Variants in MMP25 observed in about 807,000 individuals in gnomAD.
MMP25 encodes matrix metalloproteinase-25.
In MMP25, 68 loss-of-function variants were observed where a neutral mutation model predicts 62.1. That is an observed-to-expected ratio of 1.10 (90% CI 0.90 to 1.34). The LOEUF (loss-of-function observed/expected upper bound fraction) is 1.34. Among genes scored for constraint, MMP25 ranks in the 40% most tolerant of loss-of-function variants. The probability of loss-of-function intolerance (pLI) is 0.00; values close to 1 mark genes in which losing one functional copy is unlikely to be tolerated. For synonymous variants in MMP25, 407 were observed against 345.6 expected (o/e 1.18, Z -1.97); for missense variants, 942 against 792.5 (o/e 1.19, Z -2.26).
At chr16:3,049,699 G>A (rs920865991) in intron 2 of MMP25, among the ~76,000 whole-genome samples, 1 of 152,214 alleles carries the variant, frequency 6.6e-6, no homozygotes, top group African/African-American at 2.4e-5. Context: ...CCTTTCTCCA[G>A]AGTCCGCCCA....
chr16:3,056,565 C>G (rs1956012811), intron 4 of MMP25, among the ~76,000 whole-genome samples: 1 of 152,002 alleles, frequency 6.6e-6, no homozygotes, highest in Admixed American at 6.6e-5. Flanking sequence ...GCATGCGCCA[C>G]CACTCCTGGC....
Position 3,050,028 on chromosome 16 carries a change from C to T in MMP25, c.252C>T (p.Thr84=), listed in dbSNP as rs1363837027. ...TGRMDPGTVA[T]MRKPRCSLPD... ...CCGCAGACCCAGGGACAGTGGCCAC[C>T]ATGCGTAAGCCCCGCTGCTCCCTGC... Residue 84 remains threonine, a synonymous_variant, in exon 3 of 10, where the codon ACC becomes ACT. Transcript: ENST00000336577. 4.3e-6 allele frequency: 7 copies of T among 1,610,162 alleles called. No homozygotes were observed. The highest frequency in any genetic ancestry group is 2.5e-6 in the Non-Finnish European group (3 of 1,179,952).
At chr16:3,054,002 A>T (rs1596216482) in intron 4 of MMP25, 1 of 151,078 alleles carries the variant, frequency 6.6e-6, no homozygotes, top group East Asian at 1.9e-4. Flanking sequence ...GGGTGAGGGG[A>T]GGGAATGGAT....
intron 4 of MMP25, chr16:3,055,825 T>C (rs918812611): frequency 4.4e-6 from 2 of 455,062 alleles, no homozygotes; most frequent in African/African-American, 2.0e-5. Context: ...TCTTGGTCTC[T>C]TCAGGCCTCT....
chr16:3,057,818 C>G, intron 7 of MMP25: 1 of 607,396 alleles, frequency 1.6e-6, no homozygotes, highest in South Asian at 2.0e-5. Context: ...CCCACCTCAG[C>G]CTCCCTGGTA....
At chr16:3,055,889 C>G (rs1229514797) in intron 4 of MMP25, 1 of 455,596 alleles carries the variant, frequency 2.2e-6, no homozygotes, top group Admixed American at 2.3e-5. Flanking sequence ...AGGAGCTGGG[C>G]TTCAGCCGGG....
At chr16:3,055,381 C>G (rs574466886) in intron 4 of MMP25, among the ~76,000 whole-genome samples, 2 of 152,318 alleles carry the variant, frequency 1.3e-5, no homozygotes, top group African/African-American at 4.8e-5. Flanking sequence ...CACCAAACTA[C>G]CCCCAGTTTC....
chr16:3,058,311 C>T lies in MMP25; in HGVS notation c.1137C>T (p.Asp379=). ...AGGCCGCCTATGCTCGGCACCGAGA[C>T]GGCCGAATCCTCCTCTTTAGCGGTG... The part of the protein sequence containing the change: ...VVQAAYARHR[D]GRILLFSGPQ... The change falls in exon 8 of 10, where the codon GAC becomes GAT. Residue 379 remains aspartate (D), a synonymous_variant. Coordinates refer to ENST00000336577, the MANE Select transcript of MMP25 (RefSeq NM_022468.5). The T allele has an allele frequency of 2.5e-6, 4 of 1,599,254 alleles. No individual in the cohort carries two copies. The South Asian group carries it at 3.3e-5, about 13-fold the overall frequency.
In MMP25 at chr16:3,059,270, A is replaced by G. The variant is rs945269461; in HGVS notation, c.*172A>G. 5.2e-6 allele frequency: 4 copies of G among 764,006 alleles called. No individual in the cohort carries two copies. The East Asian group carries it at 1.2e-4, about 24-fold the overall frequency. 47.3% of individuals were successfully genotyped at this position (764,006 alleles called of 1,614,324 possible). ...CCGCGCAGGGGCGGCGGCGGCGGGGACCGGTCGCCTGGCGCTGGGCTCAGT... is the reference window on the plus strand; with the variant it reads ...CCGCGCAGGGGCGGCGGCGGCGGGGGCCGGTCGCCTGGCGCTGGGCTCAGT... On this transcript the variant is annotated 3_prime_UTR_variant, in exon 10 of 10. Coordinates refer to ENST00000336577, the MANE Select transcript of MMP25 (RefSeq NM_022468.5).
At chr16:3,055,918 T>C (rs1271142813) in intron 4 of MMP25, 9 of 455,292 alleles carry the variant, frequency 2.0e-5, no homozygotes, top group Non-Finnish European at 4.0e-5. Flanking sequence ...GTGAATCCTC[T>C]GGGTCCTGGC....
In MMP25 at chr16:3,059,099, TG is replaced by T; in HGVS notation, c.*7del. On this transcript the variant is annotated 3_prime_UTR_variant, in exon 10 of 10. Coordinates refer to ENST00000336577, the MANE Select transcript of MMP25 (RefSeq NM_022468.5). ...GGTGGGGGGTGTAGCCTCCCGCTGA[TG>T]GGGGGAGCCATCCAGACCGAACAGC... 2.0e-6 allele frequency: 3 copies of T among 1,538,214 alleles called. No individual in the cohort carries two copies. The highest frequency in any genetic ancestry group is 8.8e-7 in the Non-Finnish European group (1 of 1,139,546).
Position 3,050,058 on chromosome 16 carries a change from C to A in MMP25, c.282C>A (p.Asp94Glu). ...GTAAGCCCCGCTGCTCCCTGCCTGA[C>A]GTGCTGGGGGTGGCGGGGCTGGTCA... ...TMRKPRCSLP[D>E]VLGVAGLVRR... The change falls in exon 3 of 10, where the codon GAC becomes GAA. Residue 94 changes from aspartate (D) to glutamate (E), a missense_variant. Transcript: ENST00000336577. The A allele has an allele frequency of 1.2e-6, 2 of 1,611,156 alleles. No individual in the cohort carries two copies. Among genetic ancestry groups the A allele is most frequent in the African/African-American group, 1.3e-5 (1 of 75,068 alleles).
Position 3,047,491 on chromosome 16 carries a change from G to A in MMP25, c.176G>A (p.Arg59His), listed in dbSNP as rs113554787. The A allele has an allele frequency of 3.6e-4, 584 of 1,613,884 alleles. 6 individuals are homozygous for A. In the African/African-American group the frequency reaches 6.2e-3, roughly 17 times the overall value. Reference sequence around the variant, plus strand: ...CAGCTGCAGAGCCCTGAGAAGTTGCGCGATGCCATCAAAGTCATGCAGAGG... The same window carrying A: ...CAGCTGCAGAGCCCTGAGAAGTTGCACGATGCCATCAAAGTCATGCAGAGG... ...QAQLQSPEKL[R>H]DAIKVMQRFA... Residue 59 changes from arginine (R) to histidine (H), a missense_variant, in exon 2 of 10, where the codon CGC becomes CAC. Arg to His is a conservative substitution (Grantham distance 29). Transcript: ENST00000336577.
At position 3,059,441 on chromosome 16, in the gene MMP25, G is replaced by A. The variant is rs1182847904; in HGVS notation, c.*343G>A. On this transcript the variant is annotated 3_prime_UTR_variant, in exon 10 of 10. Coordinates refer to ENST00000336577, the MANE Select transcript of MMP25 (RefSeq NM_022468.5). ...GTCGGACCCCGCCTCCCGAGCCCGG[G>A]GAGGGGCGGGGAGGACAAGGGGCGG... The A allele has an allele frequency of 9.1e-6, 2 of 220,634 alleles. No individual in the cohort carries two copies. Among genetic ancestry groups the A allele is most frequent in the Non-Finnish European group, 1.8e-5 (2 of 112,714 alleles). The allele number at this position is 220,634 out of a possible 1,614,324, so 13.7% of individuals were successfully genotyped here.
chr16:3,049,336 C>T (rs1248849458), intron 2 of MMP25, among the ~76,000 whole-genome samples: 1 of 152,202 alleles, frequency 6.6e-6, no homozygotes, highest in Non-Finnish European at 1.5e-5. Context: ...AAGGATCTGG[C>T]TCACTACAAG....
chr16:3,057,045 C>A lies in MMP25; in HGVS notation c.674C>A (p.Thr225Asn), dbSNP rs1475388915. The A allele has an allele frequency of 6.3e-7, 1 of 1,584,974 alleles. No individual in the cohort carries two copies. ...CTTTCTCCTGCAGACGGCGAGGGGACCGACCTGTTTGCCGTGGCTGTCCAT... is the reference window on the plus strand; with the variant it reads ...CTTTCTCCTGCAGACGGCGAGGGGAACGACCTGTTTGCCGTGGCTGTCCAT... The part of the protein sequence containing the change: ...WTFGSKDGEG[T>N]DLFAVAVHEF... Residue 225 changes from threonine to asparagine, a missense_variant, in exon 5 of 10, where the codon ACC (threonine) becomes AAC (asparagine). Coordinates refer to ENST00000336577, the MANE Select transcript of MMP25 (RefSeq NM_022468.5).
chr16:3,047,284 A>G, intron 1 of MMP25, 131 bp from the exon 2 acceptor site: 1 of 1,355,930 alleles, frequency 7.4e-7, no homozygotes, highest in Non-Finnish European at 1.0e-6. Context: ...GGAGGGGAGC[A>G]GGCAGGCATC....
chr16:3,059,450 G>C lies in MMP25; in HGVS notation c.*352G>C, dbSNP rs1204352387. 2 of 211,448 alleles carry C rather than the reference G, an allele frequency of 9.5e-6. No individual in the cohort carries two copies. The highest frequency in any genetic ancestry group is 1.9e-5 in the Non-Finnish European group (2 of 106,744). The allele number at this position is 211,448 out of a possible 1,614,324, so 13.1% of individuals were successfully genotyped here. ...CGCCTCCCGAGCCCGGGGAGGGGCG[G>C]GGAGGACAAGGGGCGGGCCCGCGGC... On this transcript the variant is annotated 3_prime_UTR_variant, in exon 10 of 10. Coordinates refer to ENST00000336577, the MANE Select transcript of MMP25 (RefSeq NM_022468.5).
In MMP25 at chr16:3,050,546, G is replaced by C. The variant is rs1176761318; in HGVS notation, c.661G>C (p.Asp221His). The stretch of plus-strand genomic sequence containing the variant: ...GGAGACCTGGACTTTTGGGTCAAAA[G>C]GTAAAATCTCCTCTCTTATGAGAGA... ...DEETWTFGSK[D>H]GEGTDLFAVA... The change falls in exon 4 of 10, where the codon GAC (aspartate) becomes CAC (histidine). Residue 221 changes from aspartate to histidine, a missense_variant and splice_region_variant. Asp to His is a moderately conservative substitution (Grantham distance 81). Transcript: ENST00000336577. 1.3e-6 allele frequency: 2 copies of C among 1,532,328 alleles called. No individual in the cohort carries two copies. The highest frequency in any genetic ancestry group is 2.3e-5 in the East Asian group (1 of 44,038). 94.9% of individuals were successfully genotyped at this position (1,532,328 alleles called of 1,614,324 possible).
Sources: allele counts gnomAD v4.1 joint callset (sites outside exome capture counted in the v4.1 genomes callset), GRCh38; gene constraint gnomAD v4.1.1; transcripts MANE v1.5; gene names NCBI Gene and HGNC (gene_info 2026-07-23, HGNC 2026-07-21).